GABRG3: variants seen among roughly 807,000 people sequenced by gnomAD.
GABRG3 encodes the protein gamma-aminobutyric acid receptor subunit gamma-3.
A neutral mutation model predicts 48.8 loss-of-function variants in GABRG3; 25 were observed. That is an observed-to-expected ratio of 0.51 (90% CI 0.37 to 0.72). The LOEUF is 0.72. Ranked by LOEUF, GABRG3 falls within the 30% of genes least tolerant of loss-of-function variation. The pLI is 0.00. For missense variants in GABRG3, 394 were observed against 577.9 expected (o/e 0.68, Z 3.26); for synonymous variants, 227 against 217.6 (o/e 1.04, Z -0.38).
At chr15:27,530,466 G>GCTTCAGT (rs752920098) in intron 9 of GABRG3, 22 of 366,750 alleles carry the variant, frequency 6.0e-5, no homozygotes, top group Admixed American at 1.4e-4. Context: ...CTTACGTTTT[G>GCTTCAGT]CTTCAGTCTT....
In GABRG3 at chr15:26,974,007, GATTTC is replaced by G. The variant is rs1451542759; in HGVS notation, c.53+2424_53+2428del. Among the ~76,000 whole-genome samples the G allele has an allele frequency of 1.3e-5, 2 of 152,202 alleles. No individual in the cohort carries two copies. Among genetic ancestry groups the G allele is most frequent in the African/African-American group, 4.8e-5 (2 of 41,450 alleles). ...CATTCTAATGGGTCCCCTGAGATGAGATTTCATTTTTGTCAAAGCAAGGATTTTCC... is the reference window on the plus strand; with the variant it reads ...CATTCTAATGGGTCCCCTGAGATGAGATTTTTGTCAAAGCAAGGATTTTCC... On this transcript the variant is annotated intron_variant, in intron 1 of 9. Transcript: ENST00000615808. This position sits in a 1 kb window ranked among gnomAD's most constrained non-coding sequence, Gnocchi z 4.3.
intron 3 of GABRG3, among the ~76,000 whole-genome samples, chr15:27,074,865 G>C (rs1896885171): frequency 1.3e-5 from 2 of 152,022 alleles, no homozygotes; most frequent in Non-Finnish European, 2.9e-5. Context: ...TGTTGGGGTT[G>C]GTTTTTAAAG....
chr15:27,011,002 T>C (rs942258630), intron 2 of GABRG3, among the ~76,000 whole-genome samples: 19 of 152,070 alleles, frequency 1.2e-4, no homozygotes, highest in African/African-American at 4.6e-4. Context: ...CACACCACCA[T>C]GCCCAAGCTA....
chr15:27,097,134 G>A (rs1897278577), intron 3 of GABRG3, among the ~76,000 whole-genome samples: 1 of 151,756 alleles, frequency 6.6e-6, no homozygotes, highest in African/African-American at 2.4e-5. Context: ...TTACAGGTGT[G>A]AGCCACCGCG....
intron 3 of GABRG3, among the ~76,000 whole-genome samples, chr15:27,271,789 G>C (rs893207624): frequency 6.6e-6 from 1 of 152,204 alleles, no homozygotes; most frequent in Admixed American, 6.5e-5. Context: ...GGCAGGTGAT[G>C]GGGAGGTCTG....
intron 5 of GABRG3, among the ~76,000 whole-genome samples, chr15:27,417,284 G>A (rs1221469436): frequency 6.6e-6 from 1 of 152,134 alleles, no homozygotes; most frequent in Non-Finnish European, 1.5e-5. Context: ...GCCCCATCAG[G>A]ATACTTCTTA....
intron 3 of GABRG3, among the ~76,000 whole-genome samples, chr15:27,169,653 C>T (rs1263296268): frequency 3.3e-5 from 5 of 152,188 alleles, no homozygotes; most frequent in Non-Finnish European, 7.3e-5. Flanking sequence ...GATAGCAGCC[C>T]TCCCGGCCAC....
intron 9 of GABRG3, among the ~76,000 whole-genome samples, chr15:27,531,480 C>T (rs978713451): frequency 6.6e-6 from 1 of 152,202 alleles, no homozygotes; most frequent in African/African-American, 2.4e-5. Context: ...TCTGAATGGC[C>T]TCTGTCCCAG....
intron 3 of GABRG3, among the ~76,000 whole-genome samples, chr15:27,104,070 A>T (rs940200198): frequency 2.6e-5 from 4 of 152,214 alleles, no homozygotes; most frequent in African/African-American, 4.8e-5. Flanking sequence ...AGGTAGTTTC[A>T]TTGTACCTTA....
At chr15:26,973,643 A>C (rs907811128) in intron 1 of GABRG3, among the ~76,000 whole-genome samples, 1 of 152,146 alleles carries the variant, frequency 6.6e-6, no homozygotes, top group Non-Finnish European at 1.5e-5. Flanking sequence ...GGGACTCCCC[A>C]TTTTGACACC....
At chr15:27,150,668 C>T (rs369446636) in intron 3 of GABRG3, among the ~76,000 whole-genome samples, 1 of 152,200 alleles carries the variant, frequency 6.6e-6, no homozygotes, top group Non-Finnish European at 1.5e-5. Flanking sequence ...ACTCACTCAT[C>T]AGAAGGCACT....
intron 3 of GABRG3, among the ~76,000 whole-genome samples, chr15:27,261,462 T>G (rs1195855110): frequency 6.6e-6 from 1 of 151,668 alleles, no homozygotes; most frequent in East Asian, 1.9e-4. Flanking sequence ...TTCGGGTTGG[T>G]GAGATGGGCA....
intron 3 of GABRG3, among the ~76,000 whole-genome samples, chr15:27,168,123 A>G (rs1887440204): frequency 6.6e-6 from 1 of 151,676 alleles, no homozygotes; most frequent in Non-Finnish European, 1.5e-5. Flanking sequence ...AGACCTTTCT[A>G]AAGAAGCTCA....
At chr15:27,321,419 G>A (rs1414673796) in intron 3 of GABRG3, among the ~76,000 whole-genome samples, 1 of 152,138 alleles carries the variant, frequency 6.6e-6, no homozygotes, top group Non-Finnish European at 1.5e-5. Flanking sequence ...CACCGTCAAA[G>A]CCATGTTTCC....
intron 6 of GABRG3, among the ~76,000 whole-genome samples, chr15:27,481,532 A>G (rs1199183579): frequency 6.6e-6 from 1 of 152,130 alleles, no homozygotes; most frequent in East Asian, 1.9e-4. Context: ...GGGTCTTCAA[A>G]TTATCTAATA....
intron 2 of GABRG3, among the ~76,000 whole-genome samples, chr15:26,990,879 A>T (rs1179202137): frequency 6.8e-6 from 1 of 147,070 alleles, no homozygotes; most frequent in African/African-American, 2.5e-5. Flanking sequence ...ATCTCGGCTC[A>T]TTGAAACCTC....
At chr15:27,036,153 A>G (rs1243290628) in intron 3 of GABRG3, among the ~76,000 whole-genome samples, 1 of 152,228 alleles carries the variant, frequency 6.6e-6, no homozygotes, top group Non-Finnish European at 1.5e-5. Flanking sequence ...AAATATGCAC[A>G]CTGTTATTTC....
rs1024509090 is a variant in GABRG3, at chr15:27,374,145, T to C, written c.574+45257T>C. Among the ~76,000 whole-genome samples the C allele has an allele frequency of 1.9e-3, 266 of 143,210 alleles. 2 individuals carry two copies. Among genetic ancestry groups the C allele is most frequent in the African/African-American group, 6.7e-3 (256 of 38,496 alleles). 94.0% of individuals were successfully genotyped at this position (143,210 alleles called of 152,430 possible). On this transcript the variant is annotated intron_variant, in intron 5 of 9. Transcript: ENST00000615808. ...CTTTCCTTTTCTTTTCTTCTTTTTT[T>C]TTTTTTTTTTTTTTTTCAGTGTGTC...
chr15:27,057,655 T>C (rs1447533304), intron 3 of GABRG3, among the ~76,000 whole-genome samples: 4 of 152,134 alleles, frequency 2.6e-5, no homozygotes, highest in Non-Finnish European at 5.9e-5. Flanking sequence ...GGGCTCCCAT[T>C]GCTCATGTCC....
Sources: allele counts gnomAD v4.1 joint callset (sites outside exome capture counted in the v4.1 genomes callset), GRCh38; gene constraint gnomAD v4.1.1; non-coding constraint Gnocchi (gnomAD v3.1); transcripts MANE v1.5; gene names NCBI Gene and HGNC (gene_info 2026-07-23, HGNC 2026-07-21).